Variants in KIAA0513 observed in about 807,000 individuals in gnomAD.
KIAA0513 encodes the protein uncharacterized protein KIAA0513.
In KIAA0513, 39 loss-of-function variants were observed where a neutral mutation model predicts 56.5. That is an observed-to-expected ratio of 0.69 (90% CI 0.53 to 0.90). The LOEUF (loss-of-function observed/expected upper bound fraction) is 0.90. KIAA0513 is among the 40% of genes least tolerant of loss of function. KIAA0513 has a pLI of 0.00. For synonymous variants in KIAA0513, 268 were observed against 215.6 expected (o/e 1.24, Z -2.13); for missense variants, 591 against 535.2 (o/e 1.10, Z -1.03).
intron 1 of KIAA0513, among the ~76,000 whole-genome samples, chr16:85,043,977 T>C (rs1036747842): frequency 6.6e-6 from 1 of 151,814 alleles, no homozygotes; most frequent in Non-Finnish European, 1.5e-5. Flanking sequence ...TTGTGGTGAG[T>C]GGAGATTGCG....
rs189975102 is a variant in KIAA0513 at position 85,043,217 on chromosome 16, G to A, written c.-173+15359G>A. Among the ~76,000 whole-genome samples, 66 of 151,952 alleles carry A rather than the reference G, an allele frequency of 4.3e-4. 1 individual carries two copies. Among genetic ancestry groups the A allele is most frequent in the African/African-American group, 1.3e-3 (55 of 41,470 alleles). On this transcript the variant is annotated intron_variant, in intron 1 of 12. Coordinates refer to ENST00000683363, the MANE Select transcript of KIAA0513 (RefSeq NM_001388359.1). ...TTGTGAGGACCTACTAAAACAATTC[G>A]ATTTACTACCCCCAGCTACAACTGA... is the stretch of plus-strand genomic sequence containing the variant.
chr16:85,043,889 G>A (rs543542812), intron 1 of KIAA0513, among the ~76,000 whole-genome samples: 14 of 152,260 alleles, frequency 9.2e-5, no homozygotes, highest in African/African-American at 3.4e-4. Context: ...AAAATTAGCC[G>A]GGCGAGGTGG....
At chr16:85,049,358 C>T (rs2073215641) in intron 1 of KIAA0513, among the ~76,000 whole-genome samples, 1 of 152,214 alleles carries the variant, frequency 6.6e-6, no homozygotes, top group Non-Finnish European at 1.5e-5. Flanking sequence ...GCACCAAATC[C>T]AAAGACGGTG....
At position 85,077,485 on chromosome 16, in the gene KIAA0513, A is replaced by C; in HGVS notation, c.635A>C (p.Tyr212Ser). ...AAGCCCGCGGGCAGCATCGACTCCT[A>C]CCTGAAATCCGCAAACAGCTGGCTG... ...REKPAGSIDS[Y>S]LKSANSWLAE... Residue 212 changes from tyrosine to serine, a missense_variant, in exon 6 of 13, where the codon TAC becomes TCC. Tyr to Ser is a moderately radical substitution (Grantham distance 144). Coordinates refer to ENST00000683363, the MANE Select transcript of KIAA0513 (RefSeq NM_001388359.1). 6.2e-7 allele frequency: 1 copy of C among 1,614,088 alleles called. No individual in the cohort carries two copies. The highest frequency in any genetic ancestry group is 8.5e-7 in the Non-Finnish European group (1 of 1,180,006).
intron 1 of KIAA0513, among the ~76,000 whole-genome samples, chr16:85,059,020 G>A (rs539956690): frequency 2.0e-5 from 3 of 152,138 alleles, no homozygotes; most frequent in East Asian, 1.9e-4. Flanking sequence ...TCTATGTCTG[G>A]ACAGCAACGC....
At chr16:85,028,048 A>G (rs1470788138) in intron 1 of KIAA0513, among the ~76,000 whole-genome samples, 190 bp downstream of exon 1, 4 of 152,212 alleles carry the variant, frequency 2.6e-5, no homozygotes, top group African/African-American at 7.2e-5. Context: ...CCGAGGGCTC[A>G]GGCCGGGGTT....
chr16:85,086,153 T>C (rs575398970), intron 10 of KIAA0513, among the ~76,000 whole-genome samples: 62 of 152,274 alleles, frequency 4.1e-4, no homozygotes, highest in African/African-American at 1.4e-3. Flanking sequence ...ACGACGCACC[T>C]CGCTTGGCCC....
At chr16:85,042,835 C>T (rs564533180) in intron 1 of KIAA0513, among the ~76,000 whole-genome samples, 16 of 152,180 alleles carry the variant, frequency 1.1e-4, no homozygotes, top group Non-Finnish European at 1.5e-4. Flanking sequence ...TGCCAGGCCT[C>T]GCCGTGGCAC....
intron 1 of KIAA0513, among the ~76,000 whole-genome samples, chr16:85,052,648 C>T (rs1287888996): frequency 6.6e-6 from 1 of 152,184 alleles, no homozygotes; most frequent in Non-Finnish European, 1.5e-5. Flanking sequence ...GAAAGTTGAT[C>T]ATTTCTCCTG....
chr16:85,080,442 A>G (rs746769835), intron 8 of KIAA0513, among the ~76,000 whole-genome samples: 7 of 152,152 alleles, frequency 4.6e-5, no homozygotes, highest in Non-Finnish European at 7.3e-5. Flanking sequence ...TACAGAAACA[A>G]GCCACTGGCC....
At chr16:85,044,672 A>G (rs2073148001) in intron 1 of KIAA0513, among the ~76,000 whole-genome samples, 1 of 151,818 alleles carries the variant, frequency 6.6e-6, no homozygotes, top group Non-Finnish European at 1.5e-5. Context: ...ATGCTTGGCT[A>G]ATTTCTGTGC....
rs368810659 is a variant in KIAA0513 at position 85,091,306 on chromosome 16, T to C, written c.*2981T>C. On this transcript the variant is annotated 3_prime_UTR_variant, in exon 13 of 13. Transcript: ENST00000683363. ...AGCCTTTGTTACAGTTTTAGCAACA[T>C]TGATGTCTAAGAGGGGCCGTGGTAA... 4.6e-5 allele frequency: 7 copies of C among 152,328 alleles called. No homozygotes were observed. Among genetic ancestry groups the C allele is most frequent in the African/African-American group, 7.2e-5 (3 of 41,562 alleles). 9.4% of individuals were successfully genotyped at this position (152,328 alleles called of 1,614,324 possible). A position where few individuals can be genotyped will look rare whatever the true frequency, so the allele number is the denominator to read the frequency against.
At chr16:85,051,259 G>A (rs184683985) in intron 1 of KIAA0513, among the ~76,000 whole-genome samples, 2 of 152,216 alleles carry the variant, frequency 1.3e-5, no homozygotes, top group African/African-American at 4.8e-5. Flanking sequence ...GGAACCAGCA[G>A]ATGGCCCCTT....
rs575689084 is a variant in KIAA0513 at position 85,076,716 on chromosome 16, G to A, written c.575-709G>A. ...CATGGCTGGTGTCCCAGCCTCACCAGTGGGCAGGCCCTTCCTGCCAGGCCA... is the reference window on the plus strand; with the variant it reads ...CATGGCTGGTGTCCCAGCCTCACCAATGGGCAGGCCCTTCCTGCCAGGCCA... On this transcript the variant is annotated intron_variant, in intron 5 of 12. Coordinates refer to ENST00000683363, the MANE Select transcript of KIAA0513 (RefSeq NM_001388359.1). The surrounding 1 kb of genome is among the most constrained non-coding windows in gnomAD (Gnocchi z 4.7). 6.6e-6 allele frequency among the ~76,000 whole-genome samples: 1 copy of A among 152,184 alleles called. No homozygotes were observed. The highest frequency in any genetic ancestry group is 1.5e-5 in the Non-Finnish European group (1 of 68,032).
In KIAA0513 at chr16:85,093,427, G is replaced by A. The variant is rs1007589991; in HGVS notation, c.*5102G>A. 6.6e-6 allele frequency: 1 copy of A among 152,540 alleles called. No individual in the cohort carries two copies. The highest frequency in any genetic ancestry group is 2.4e-5 in the African/African-American group (1 of 41,426). The allele number at this position is 152,540 out of a possible 1,614,324, so 9.4% of individuals were successfully genotyped here. Reference sequence around the variant, plus strand: ...CTCCCCACTTTATCTGCAGACTCTGGGACCTGACAAAACAGTCAGAGCCTG... The same window carrying A: ...CTCCCCACTTTATCTGCAGACTCTGAGACCTGACAAAACAGTCAGAGCCTG... On this transcript the variant is annotated 3_prime_UTR_variant, in exon 13 of 13. Transcript: ENST00000683363.
At chr16:85,066,299 A>AG (rs1461487025) in intron 1 of KIAA0513, among the ~76,000 whole-genome samples, 1 of 152,104 alleles carries the variant, frequency 6.6e-6, no homozygotes, top group Non-Finnish European at 1.5e-5. Context: ...TGAGGAGCCG[A>AG]GGGGTGTGTC....
chr16:85,053,542 C>A (rs1196808912), intron 1 of KIAA0513, among the ~76,000 whole-genome samples: 1 of 152,202 alleles, frequency 6.6e-6, no homozygotes, highest in Non-Finnish European at 1.5e-5. Flanking sequence ...TCCAGGTTGA[C>A]TCTCTGGATA....
At chr16:85,057,520 C>T (rs1429891605) in intron 1 of KIAA0513, among the ~76,000 whole-genome samples, 1 of 152,180 alleles carries the variant, frequency 6.6e-6, no homozygotes, top group Non-Finnish European at 1.5e-5. Context: ...CCTTTGCTGG[C>T]ACTGTGAGTT....
At chr16:85,082,825 C>T (rs540996750) in intron 10 of KIAA0513, among the ~76,000 whole-genome samples, 16 of 152,228 alleles carry the variant, frequency 1.1e-4, no homozygotes, top group Non-Finnish European at 1.5e-4. Flanking sequence ...GGCCGGAGCA[C>T]TCCGAAATAG....
Sources: gnomAD v4.1 joint callset for allele counts (sites outside exome capture counted in the v4.1 genomes callset) on GRCh38, gnomAD v4.1.1 for gene constraint, Gnocchi (gnomAD v3.1) non-coding constraint, MANE v1.5 for transcripts, NCBI Gene and HGNC (gene_info 2026-07-23, HGNC 2026-07-21) for gene names.